TPD52L2: variants seen among roughly 807,000 people sequenced by gnomAD.
TPD52L2 encodes TPD52 like 2, also known as tumor protein D54.
TPD52L2 carries 19 observed loss-of-function variants against 24.7 expected under a neutral mutation model. That is an observed-to-expected ratio of 0.77 (90% CI 0.54 to 1.13). The LOEUF is 1.13. Among genes scored for constraint, TPD52L2 ranks in the 50% most tolerant of loss-of-function variants. The pLI is 0.00. For synonymous variants in TPD52L2, 104 were observed against 100.2 expected (o/e 1.04, Z -0.23); for missense variants, 236 against 250.4 (o/e 0.94, Z 0.39).
chr20:63,866,758 C>CT (rs773870171), intron 1 of TPD52L2, among the ~76,000 whole-genome samples: 1,847 of 124,294 alleles, frequency 0.015, 22 homozygotes, highest in African/African-American at 0.032. Context: ...CGCGCCTGGC[C>CT]TTTTTTTTTT....
In TPD52L2 at chr20:63,869,310, TCTC is replaced by T. The variant is rs768019792; in HGVS notation, c.37_39del (p.Pro13del). On this transcript the variant is annotated inframe_deletion, in exon 2 of 7. Transcript: ENST00000346249. ...GTCTCTGGCAGATATCAACCTGAAT[TCTC>T]CTAACAAAGGTCTGCTGTCTGACTC... 29 of 1,614,012 alleles carry T rather than the reference TCTC, an allele frequency of 1.8e-5. No individual in the cohort carries two copies. The highest frequency in any genetic ancestry group is 2.5e-5 in the Non-Finnish European group (29 of 1,180,030).
At chr20:63,869,102 C>A (rs2052366246) in intron 1 of TPD52L2, among the ~76,000 whole-genome samples, 194 bp from the exon 2 acceptor site, 2 of 152,356 alleles carry the variant, frequency 1.3e-5, no homozygotes, top group East Asian at 3.9e-4. Flanking sequence ...ATTGGCTTTT[C>A]AGCTCAGGTG....
At chr20:63,874,192 C>T (rs1027031087) in intron 3 of TPD52L2, among the ~76,000 whole-genome samples, 2 of 150,898 alleles carry the variant, frequency 1.3e-5, no homozygotes, top group Non-Finnish European at 1.5e-5. Flanking sequence ...GCTGGGATTA[C>T]AGGCGCCTCC....
intron 3 of TPD52L2, among the ~76,000 whole-genome samples, chr20:63,874,352 A>C (rs1034092930): frequency 4.9e-5 from 7 of 142,046 alleles, no homozygotes; most frequent in Admixed American, 4.3e-4. Flanking sequence ...AGTGCTGGCC[A>C]CCACGCTGGC....
In TPD52L2 at chr20:63,890,932, T is replaced by G. The variant is rs45555740; in HGVS notation, c.*987T>G. On this transcript the variant is annotated 3_prime_UTR_variant, in exon 7 of 7. Coordinates refer to ENST00000346249, the MANE Select transcript of TPD52L2 (RefSeq NM_003288.4). Reference sequence around the variant, plus strand: ...AAAAGAACTGTGCCCCCCTTCTCAGTGCTGCCTTTGCATGGGCCTGGCCCG... The same window carrying G: ...AAAAGAACTGTGCCCCCCTTCTCAGGGCTGCCTTTGCATGGGCCTGGCCCG... 2,282 of 152,588 alleles carry G rather than the reference T, an allele frequency of 0.015. 36 individuals carry two copies. The highest frequency in any genetic ancestry group is 0.044 in the Middle Eastern group (13 of 294). 9.5% of individuals were successfully genotyped at this position (152,588 alleles called of 1,614,324 possible).
At chr20:63,885,325 C>T (rs774524377) in intron 5 of TPD52L2, among the ~76,000 whole-genome samples, 19 of 152,204 alleles carry the variant, frequency 1.2e-4, no homozygotes, top group African/African-American at 1.7e-4. Flanking sequence ...CGTCTGACTC[C>T]GTGGTCTCAG....
chr20:63,867,102 C>T (rs975413589), intron 1 of TPD52L2, among the ~76,000 whole-genome samples: 9 of 151,898 alleles, frequency 5.9e-5, no homozygotes, highest in East Asian at 3.9e-4. Flanking sequence ...TACAGGCGTG[C>T]GCCACCATGC....
At position 63,877,806 on chromosome 20, in the gene TPD52L2, T is replaced by C; in HGVS notation, c.374+1931T>C. 6.6e-6 allele frequency among the ~76,000 whole-genome samples: 1 copy of C among 152,288 alleles called. No homozygotes were observed. The highest frequency in any genetic ancestry group is 6.5e-5 in the Admixed American group (1 of 15,292). Reference sequence around the variant, plus strand: ...TGGCCGAGGCCATTCCCCTGAGTTCTGTGGCGAGAGCTGTCAACTGACGGT... The same window carrying C: ...TGGCCGAGGCCATTCCCCTGAGTTCCGTGGCGAGAGCTGTCAACTGACGGT... On this transcript the variant is annotated intron_variant, in intron 4 of 6. Coordinates refer to ENST00000346249, the MANE Select transcript of TPD52L2 (RefSeq NM_003288.4). The surrounding 1 kb of genome is among the most constrained non-coding windows in gnomAD (Gnocchi z 4.1).
chr20:63,877,152 A>G lies in TPD52L2; in HGVS notation c.374+1277A>G, dbSNP rs538536420. Reference sequence around the variant, plus strand: ...ACCATTCTCCTGCCTCAGCCTCCCCAGTAGCTGGGACTACAGGCGCCCGCC... The same window carrying G: ...ACCATTCTCCTGCCTCAGCCTCCCCGGTAGCTGGGACTACAGGCGCCCGCC... On this transcript the variant is annotated intron_variant, in intron 4 of 6. Coordinates refer to ENST00000346249, the MANE Select transcript of TPD52L2 (RefSeq NM_003288.4). This position sits in a 1 kb window ranked among gnomAD's most constrained non-coding sequence, Gnocchi z 4.1. 408 of 357,216 alleles carry G rather than the reference A, an allele frequency of 1.1e-3. 2 individuals are homozygous for G. The highest frequency in any genetic ancestry group is 7.7e-3 in the African/African-American group (360 of 46,626). The allele number at this position is 357,216 out of a possible 1,614,324, so 22.1% of individuals were successfully genotyped here.
At chr20:63,878,903 C>T (rs1330473188) in intron 4 of TPD52L2, among the ~76,000 whole-genome samples, 1 of 152,254 alleles carries the variant, frequency 6.6e-6, no homozygotes, top group African/African-American at 2.4e-5. Flanking sequence ...CTGCCCCTTC[C>T]TCCCGGGCTC....
intron 3 of TPD52L2, among the ~76,000 whole-genome samples, chr20:63,874,435 G>A (rs928491187): frequency 8.0e-5 from 12 of 150,812 alleles, no homozygotes; most frequent in African/African-American, 2.0e-4. Flanking sequence ...GTGCAGTGGC[G>A]CAATCATGAT....
Position 63,873,501 on chromosome 20 carries a change from A to C in TPD52L2, c.166-167A>C, listed in dbSNP as rs533086952. Reference sequence around the variant, plus strand: ...AAACTCCATCTCAAAAAAAAAAAAAAACCAAAACCCAAAAATCAGATGTCT... The same window carrying C: ...AAACTCCATCTCAAAAAAAAAAAAACACCAAAACCCAAAAATCAGATGTCT... On this transcript the variant is annotated intron_variant, in intron 2 of 6. Coordinates refer to ENST00000346249, the MANE Select transcript of TPD52L2 (RefSeq NM_003288.4). Among the ~76,000 whole-genome samples the C allele has an allele frequency of 4.9e-3, 746 of 152,116 alleles. 10 individuals carry two copies. Among genetic ancestry groups the C allele is most frequent in the Non-Finnish European group, 4.6e-3 (311 of 67,988 alleles).
At chr20:63,883,855 T>A (rs2052996105) in intron 5 of TPD52L2, among the ~76,000 whole-genome samples, 1 of 149,826 alleles carries the variant, frequency 6.7e-6, no homozygotes, top group South Asian at 2.1e-4. Flanking sequence ...CCTGCCTGCC[T>A]GCCTTAGGTT....
chr20:63,867,648 A>C (rs2052303534), intron 1 of TPD52L2, among the ~76,000 whole-genome samples: 2 of 152,134 alleles, frequency 1.3e-5, no homozygotes, highest in Admixed American at 1.3e-4. Context: ...GGAAGTGCAC[A>C]CGGCTCCAGT....
chr20:63,888,499 G>A (rs1225958892), intron 5 of TPD52L2: 12 of 139,726 alleles, frequency 8.6e-5, no homozygotes, highest in Admixed American at 6.4e-4. Flanking sequence ...GGATAGCAGA[G>A]AGGGGCCGAC....
rs1002207524 is a variant in TPD52L2, at chr20:63,886,023, C to T, written c.477-3167C>T. 1.2e-6 allele frequency: 2 copies of T among 1,614,074 alleles called. No individual in the cohort carries two copies. The highest frequency in any genetic ancestry group is 1.3e-5 in the African/African-American group (1 of 74,946). ...CCTGCTGCCACCTTCCAGGGCTCAT[C>T]CATTTTCACACTCCTTTAGGTAAGG... On this transcript the variant is annotated intron_variant, in intron 5 of 6. Transcript: ENST00000346249.
At chr20:63,876,782 G>A in intron 4 of TPD52L2, 1 of 455,942 alleles carries the variant, frequency 2.2e-6, no homozygotes, top group Non-Finnish European at 4.4e-6. Context: ...CTGGTGTCAG[G>A]AACCCCGGGC....
At chr20:63,866,989 T>C (rs1409544348) in intron 1 of TPD52L2, among the ~76,000 whole-genome samples, 1 of 151,620 alleles carries the variant, frequency 6.6e-6, no homozygotes, top group Admixed American at 6.6e-5. Flanking sequence ...TTTTCGCTCT[T>C]GTTGCCCACG....
Position 63,889,974 on chromosome 20 carries a change from C to G in TPD52L2, c.*29C>G. 1 of 1,613,132 alleles carries G rather than the reference C, an allele frequency of 6.2e-7. No homozygotes were observed. Among genetic ancestry groups the G allele is most frequent in the Non-Finnish European group, 8.5e-7 (1 of 1,179,894 alleles). ...TGTGGTTGCTTCACCCGCTGCAGAG[C>G]ACACGCAACCCAGCCTCAGCATCAC... On this transcript the variant is annotated 3_prime_UTR_variant, in exon 7 of 7. Coordinates refer to ENST00000346249, the MANE Select transcript of TPD52L2 (RefSeq NM_003288.4).
Sources: allele counts gnomAD v4.1 joint callset (sites outside exome capture counted in the v4.1 genomes callset), GRCh38; gene constraint gnomAD v4.1.1; non-coding constraint Gnocchi (gnomAD v3.1); transcripts MANE v1.5; gene names NCBI Gene and HGNC (gene_info 2026-07-23, HGNC 2026-07-21).